TRPM2: variants seen among roughly 807,000 people sequenced by gnomAD.
The protein encoded by TRPM2 is estrogen-responsive element-associated gene 1 protein.
A neutral mutation model predicts 174.0 loss-of-function variants in TRPM2; 161 were observed. The ratio of observed to expected loss-of-function variants is 0.93; its 90% CI spans 0.81 to 1.05. The LOEUF is 1.05. TRPM2 is among the 50% of genes least tolerant of loss of function. The probability of loss-of-function intolerance (pLI) is 0.00; values close to 1 mark genes in which losing one functional copy is unlikely to be tolerated. For missense variants in TRPM2, 2,057 were observed against 2,038.0 expected (o/e 1.01, Z -0.18); for synonymous variants, 954 against 861.3 (o/e 1.11, Z -1.88).
intron 16 of TRPM2, among the ~76,000 whole-genome samples, chr21:44,404,540 C>T (rs1208797916): frequency 1.1e-4 from 17 of 152,232 alleles, no homozygotes; most frequent in African/African-American, 3.9e-4. Context: ...GTCCTGTTCC[C>T]ATCTCCCTCA....
At chr21:44,388,666 A>C (rs1015985940) in intron 9 of TRPM2, among the ~76,000 whole-genome samples, 1 of 151,428 alleles carries the variant, frequency 6.6e-6, no homozygotes, top group Non-Finnish European at 1.5e-5. Flanking sequence ...AAAAAAAAAA[A>C]AAAAACTAGT....
rs553520908 is a variant in TRPM2 at position 44,369,429 on chromosome 21, T to C, written c.771+86T>C. ...GGCGCTGTGGGGAGCAGGTGGAGTG[T>C]ACGGGGGCCGGGGTGTGGGTGACGT... is the stretch of plus-strand genomic sequence containing the variant. On this transcript the variant is annotated intron_variant, in intron 5 of 31. Coordinates refer to ENST00000397928, the MANE Select transcript of TRPM2 (RefSeq NM_003307.4). 242 of 1,481,726 alleles carry C rather than the reference T, an allele frequency of 1.6e-4. 2 individuals are homozygous for C. The South Asian group carries it at 2.5e-3, about 15-fold the overall frequency. The allele number at this position is 1,481,726 out of a possible 1,614,324, so 91.8% of individuals were successfully genotyped here.
chr21:44,355,836 A>G, intron 2 of TRPM2, among the ~76,000 whole-genome samples: 1 of 151,036 alleles, frequency 6.6e-6, no homozygotes, highest in Non-Finnish European at 1.5e-5. Context: ...GTCCCTCCGC[A>G]TCCCTGGGGA....
chr21:44,425,590 C>T, intron 24 of TRPM2, 80 bp from the exon 25 acceptor site: 1 of 1,400,544 alleles, frequency 7.1e-7, no homozygotes, highest in East Asian at 2.7e-5. Context: ...GCGGAAGGAC[C>T]ACAGAGGAAG....
intron 1 of TRPM2, 104 bp downstream of exon 1, chr21:44,353,969 G>C (rs766466052): frequency 2.1e-5 from 29 of 1,405,308 alleles, no homozygotes; most frequent in Non-Finnish European, 2.6e-5. Flanking sequence ...GAAAGGGTCT[G>C]CTGACCTTGG....
Position 44,395,692 on chromosome 21 carries a change from G to A in TRPM2, c.1932+141G>A, listed in dbSNP as rs150668005. The A allele has an allele frequency of 0.82, 156,652 of 191,638 alleles. 69,955 individuals carry two copies. The highest frequency in any genetic ancestry group is 0.89 in the East Asian group (10,310 of 11,572). 11.9% of individuals were successfully genotyped at this position (191,638 alleles called of 1,614,324 possible). A position where few individuals can be genotyped will look rare whatever the true frequency, so the allele number is the denominator to read the frequency against. On this transcript the variant is annotated intron_variant, in intron 12 of 31. Coordinates refer to ENST00000397928, the MANE Select transcript of TRPM2 (RefSeq NM_003307.4). ...TGGAGGGGTGTGGAGGGGTGTGGAG[G>A]GCTGTGGAGGATGTGGAGGGGTGTG...
chr21:44,368,490 G>T (rs1026898017), intron 4 of TRPM2, among the ~76,000 whole-genome samples: 11 of 150,464 alleles, frequency 7.3e-5, no homozygotes, highest in African/African-American at 2.7e-4. Flanking sequence ...CAGTGGTGGT[G>T]GCGCTATCTC....
Position 44,435,214 on chromosome 21 carries a change from C to A in TRPM2, c.4058C>A (p.Thr1353Lys), listed in dbSNP as rs758620522. The change falls in exon 28 of 32, where the codon ACG becomes AAG. Residue 1353 changes from threonine (T) to lysine (K), a missense_variant. By Grantham distance (78) the Thr-to-Lys change is moderately conservative. Coordinates refer to ENST00000397928, the MANE Select transcript of TRPM2 (RefSeq NM_003307.4). ...GPNHTLYPMV[T>K]RWRRNEDGAI... ...AACCACACGCTGTACCCCATGGTCACGCGGTGAGTTCATGTGTGCCGGGCA... is the reference window on the plus strand; with the variant it reads ...AACCACACGCTGTACCCCATGGTCAAGCGGTGAGTTCATGTGTGCCGGGCA... 16 of 1,612,796 alleles carry A rather than the reference C, an allele frequency of 9.9e-6. No individual in the cohort carries two copies. In the South Asian group the frequency reaches 1.3e-4, roughly 13 times the overall value.
In TRPM2 at chr21:44,379,190, C is replaced by T; in HGVS notation, c.1208C>T (p.Thr403Ile). The part of the protein sequence containing the change: ...TFTESRIVEW[T>I]KKIQDIVRRR... ...ACGGAAAGCAGGATTGTCGAGTGGA[C>T]CAAAAAGGTGAGGCTGACGGGCACG... is the stretch of plus-strand genomic sequence containing the variant. The change falls in exon 8 of 32, where the codon ACC becomes ATC. Residue 403 changes from threonine to isoleucine, a missense_variant. Physicochemically the swap from Thr to Ile is moderately conservative, Grantham distance 89. Transcript: ENST00000397928. The T allele has an allele frequency of 6.2e-7, 1 of 1,612,778 alleles. No individual in the cohort carries two copies. Among genetic ancestry groups the T allele is most frequent in the Non-Finnish European group, 8.5e-7 (1 of 1,179,982 alleles).
rs758283744 is a variant in TRPM2, at chr21:44,382,786, C to T, written c.1284C>T (p.Asp428=). Reference sequence around the variant, plus strand: ...GGGAAGGCAAGGATGGTCAGCAGGACGTGGATGTGGCCATCTTGCAGGCCT... The same window carrying T: ...GGGAAGGCAAGGATGGTCAGCAGGATGTGGATGTGGCCATCTTGCAGGCCT... The part of the protein sequence containing the change: ...VFREGKDGQQ[D]VDVAILQALL... The change falls in exon 9 of 32, where the codon GAC becomes GAT. Residue 428 remains aspartate, a synonymous_variant. Coordinates refer to ENST00000397928, the MANE Select transcript of TRPM2 (RefSeq NM_003307.4). The T allele has an allele frequency of 1.3e-5, 21 of 1,613,802 alleles. No homozygotes were observed. Among genetic ancestry groups the T allele is most frequent in the South Asian group, 2.2e-5 (2 of 91,030 alleles).
At chr21:44,427,627 C>A (rs928830223) in intron 27 of TRPM2, among the ~76,000 whole-genome samples, 1 of 152,118 alleles carries the variant, frequency 6.6e-6, no homozygotes, top group African/African-American at 2.4e-5. Context: ...GAGTCTTGGA[C>A]CCTGCCATGA....
At position 44,406,636 on chromosome 21, in the gene TRPM2, G is replaced by A. The variant is rs1744346731; in HGVS notation, c.2833G>A (p.Val945Met). ...FFFLFLLAVW[V>M]VSFGVAKQAI... is the part of the protein sequence containing the mutation. ...CTTCCTCTTCCTGCTGGCTGTGTGGGTGGTGTCCTTCGGGGTGGCCAAGCA... is the reference window on the plus strand; with the variant it reads ...CTTCCTCTTCCTGCTGGCTGTGTGGATGGTGTCCTTCGGGGTGGCCAAGCA... The change falls in exon 19 of 32, where the codon GTG becomes ATG. Residue 945 changes from valine to methionine, a missense_variant. Val to Met is a conservative substitution (Grantham distance 21, BLOSUM62 1). Coordinates refer to ENST00000397928, the MANE Select transcript of TRPM2 (RefSeq NM_003307.4). 1 of 1,610,842 alleles carries A rather than the reference G, an allele frequency of 6.2e-7. No individual in the cohort carries two copies. Among genetic ancestry groups the A allele is most frequent in the Admixed American group, 1.7e-5 (1 of 59,736 alleles).
At position 44,367,486 on chromosome 21, in the gene TRPM2, A is replaced by G. The variant is rs1164203601; in HGVS notation, c.604+552A>G. On this transcript the variant is annotated intron_variant, in intron 4 of 31. Transcript: ENST00000397928. The surrounding 1 kb of genome is among the most constrained non-coding windows in gnomAD (Gnocchi z 4.6). ...GAGTCAAATCACCTCCCAAGGTTGC[A>G]CCACTGGTGAGAGCCAGGCAGGGAC... Among the ~76,000 whole-genome samples, 2 of 152,212 alleles carry G rather than the reference A, an allele frequency of 1.3e-5. No individual in the cohort carries two copies. Among genetic ancestry groups the G allele is most frequent in the Non-Finnish European group, 2.9e-5 (2 of 68,024 alleles).
In TRPM2 at chr21:44,395,488, T is replaced by C. The variant is rs1285640560; in HGVS notation, c.1869T>C (p.Arg623=). The part of the protein sequence containing the change: ...GHVTFTMDPI[R]DLLIWAIVQN... ...TGACCTTCACCATGGACCCCATCCGTGACCTTCTCATTTGGGCCATTGTCC... is the reference window on the plus strand; with the variant it reads ...TGACCTTCACCATGGACCCCATCCGCGACCTTCTCATTTGGGCCATTGTCC... The change falls in exon 12 of 32, where the codon CGT becomes CGC. Residue 623 remains arginine (R), a synonymous_variant. Coordinates refer to ENST00000397928, the MANE Select transcript of TRPM2 (RefSeq NM_003307.4). The C allele has an allele frequency of 3.7e-6, 6 of 1,613,070 alleles. No individual in the cohort carries two copies. The highest frequency in any genetic ancestry group is 5.1e-6 in the Non-Finnish European group (6 of 1,179,940).
chr21:44,439,315 C>A lies in TRPM2; in HGVS notation c.4269+147C>A. The A allele has an allele frequency of 1.5e-6, 1 of 678,552 alleles. No homozygotes were observed. Among genetic ancestry groups the A allele is most frequent in the Non-Finnish European group, 2.6e-6 (1 of 391,414 alleles). The allele number at this position is 678,552 out of a possible 1,614,324, so 42.0% of individuals were successfully genotyped here. ...CAGGTGACGGTGGTCCCAGCCCCTG[C>A]CCCCACGTTGCACAGCTCCCAGAGG... On this transcript the variant is annotated intron_variant, in intron 30 of 31. Transcript: ENST00000397928. This position sits in a 1 kb window ranked among gnomAD's most constrained non-coding sequence, Gnocchi z 5.1.
At chr21:44,417,058 G>A (rs2050314674) in intron 20 of TRPM2, among the ~76,000 whole-genome samples, 1 of 116,440 alleles carries the variant, frequency 8.6e-6, no homozygotes. Flanking sequence ...GCTCTCTGTG[G>A]CATCACAGTG....
chr21:44,380,674 G>A (rs981478666), intron 8 of TRPM2, among the ~76,000 whole-genome samples: 6 of 152,086 alleles, frequency 3.9e-5, no homozygotes, highest in Non-Finnish European at 7.4e-5. Context: ...CAGAGTGTCC[G>A]TCTACACTGT....
In TRPM2 at chr21:44,367,010, G is replaced by A; in HGVS notation, c.604+76G>A. ...TGGAGGCAGTGCTGGGGCAATCAGG[G>A]CCATCAGGACCCAAAAAGTCCCTGG... On this transcript the variant is annotated intron_variant, in intron 4 of 31. Transcript: ENST00000397928. The surrounding 1 kb of genome is among the most constrained non-coding windows in gnomAD (Gnocchi z 4.6). 6.8e-7 allele frequency: 1 copy of A among 1,472,648 alleles called. No individual in the cohort carries two copies. Among genetic ancestry groups the A allele is most frequent in the South Asian group, 1.4e-5 (1 of 72,092 alleles). The allele number at this position is 1,472,648 out of a possible 1,614,324, so 91.2% of individuals were successfully genotyped here.
Position 44,391,108 on chromosome 21 carries a change from C to G in TRPM2, c.1440+83C>G. The G allele has an allele frequency of 1.3e-6, 2 of 1,596,654 alleles. No homozygotes were observed. The highest frequency in any genetic ancestry group is 1.7e-6 in the Non-Finnish European group (2 of 1,168,828). ...CTGAAGCAAGGGCAGGCAAAGTTCG[C>G]ATTGTCTGGATCCCAGCCCTTCCCT... On this transcript the variant is annotated intron_variant, in intron 10 of 31. Transcript: ENST00000397928. This position sits in a 1 kb window ranked among gnomAD's most constrained non-coding sequence, Gnocchi z 5.0.
Sources: gnomAD v4.1 joint callset for allele counts (sites outside exome capture counted in the v4.1 genomes callset) on GRCh38, gnomAD v4.1.1 for gene constraint, Gnocchi (gnomAD v3.1) non-coding constraint, MANE v1.5 for transcripts, NCBI Gene and HGNC (gene_info 2026-07-23, HGNC 2026-07-21) for gene names.